The following MYRIP variants were observed in gnomAD, a reference collection of about 807,000 sequenced individuals.
MYRIP encodes the protein myosin VIIA and Rab interacting protein, also known as rab effector MyRIP.
A neutral mutation model predicts 98.0 loss-of-function variants in MYRIP; 49 were observed. The ratio of observed to expected loss-of-function variants is 0.50; its 90% CI spans 0.40 to 0.63. MYRIP has a LOEUF of 0.63. MYRIP is among the 30% of genes least tolerant of loss of function. The pLI, the probability that MYRIP is intolerant of heterozygous loss-of-function variation, is 0.00. For missense variants in MYRIP, 1,004 were observed against 1,058.2 expected (o/e 0.95, Z 0.71); for synonymous variants, 404 against 409.5 (o/e 0.99, Z 0.16).
intron 1 of MYRIP, among the ~76,000 whole-genome samples, chr3:39,836,662 T>C (rs1941635648): frequency 1.3e-5 from 2 of 152,216 alleles, no homozygotes; most frequent in South Asian, 4.1e-4. Context: ...CCAGTCCAGC[T>C]GAGGGTCTGA....
intron 2 of MYRIP, among the ~76,000 whole-genome samples, chr3:39,904,399 C>A (rs1231486495): frequency 3.3e-5 from 5 of 152,034 alleles, no homozygotes; most frequent in Admixed American, 3.3e-4. Flanking sequence ...TCACACCTGG[C>A]CAATTTTTTG....
chr3:40,235,688 T>C (rs966169879), intron 12 of MYRIP, among the ~76,000 whole-genome samples: 1 of 152,230 alleles, frequency 6.6e-6, no homozygotes, highest in Non-Finnish European at 1.5e-5. Context: ...CTTGCTGCTT[T>C]TTCTGAGGAC....
chr3:40,160,970 G>A (rs533190069), intron 4 of MYRIP, among the ~76,000 whole-genome samples: 80 of 152,272 alleles, frequency 5.3e-4, no homozygotes, highest in African/African-American at 1.6e-3. Context: ...CTTCTGCGTC[G>A]CTCACGCTGG....
At chr3:39,811,234 T>A (rs1377902451) in intron 1 of MYRIP, among the ~76,000 whole-genome samples, 3 of 152,284 alleles carry the variant, frequency 2.0e-5, no homozygotes, top group South Asian at 4.1e-4. Context: ...AATACTTAGT[T>A]TTGTGATGAC....
At chr3:39,904,789 T>C (rs949966330) in intron 2 of MYRIP, among the ~76,000 whole-genome samples, 2 of 152,164 alleles carry the variant, frequency 1.3e-5, no homozygotes, top group African/African-American at 4.8e-5. Context: ...GGCCTCACTA[T>C]GTAAAGTGAT....
chr3:40,192,327 T>TTATATATATATATA (rs1559444956), intron 10 of MYRIP, among the ~76,000 whole-genome samples: 1 of 11,332 alleles, frequency 8.8e-5, no homozygotes, highest in East Asian at 1.6e-3. Flanking sequence ...TATATATATG[T>TTATATATATATATA]CATATATATA....
chr3:40,022,393 T>A (rs568057264), intron 2 of MYRIP, among the ~76,000 whole-genome samples: 2 of 152,144 alleles, frequency 1.3e-5, no homozygotes, highest in Non-Finnish European at 2.9e-5. Context: ...AATGTGAGTC[T>A]TCAAGGAAAA....
At chr3:40,235,129 A>G (rs1412072607) in intron 12 of MYRIP, among the ~76,000 whole-genome samples, 4 of 152,136 alleles carry the variant, frequency 2.6e-5, no homozygotes, top group Non-Finnish European at 5.9e-5. Context: ...CCACTCCAAA[A>G]TTGTCCAAGC....
chr3:40,038,674 A>G (rs986142853), intron 2 of MYRIP, among the ~76,000 whole-genome samples: 1 of 152,148 alleles, frequency 6.6e-6, no homozygotes, highest in Non-Finnish European at 1.5e-5. Context: ...CATAATTAAA[A>G]TAGTATAAAT....
intron 2 of MYRIP, among the ~76,000 whole-genome samples, chr3:39,999,093 A>C (rs1255393385): frequency 6.6e-6 from 1 of 152,228 alleles, no homozygotes; most frequent in Non-Finnish European, 1.5e-5. Context: ...AAACCTAGGC[A>C]ATACCATTCA....
At chr3:40,222,383 T>C (rs1341443926) in intron 11 of MYRIP, among the ~76,000 whole-genome samples, 3 of 152,160 alleles carry the variant, frequency 2.0e-5, no homozygotes, top group Non-Finnish European at 4.4e-5. Flanking sequence ...GGGTGTCTTA[T>C]GGAAAGCTGC....
chr3:39,920,443 C>G (rs1944279975), intron 2 of MYRIP, among the ~76,000 whole-genome samples: 2 of 152,110 alleles, frequency 1.3e-5, no homozygotes, highest in Non-Finnish European at 2.9e-5. Flanking sequence ...CACTCACGTA[C>G]TGACTTGTGG....
chr3:39,947,995 A>C (rs1485455404), intron 2 of MYRIP, among the ~76,000 whole-genome samples: 1 of 152,192 alleles, frequency 6.6e-6, no homozygotes, highest in Non-Finnish European at 1.5e-5. Flanking sequence ...AGACTTTTGA[A>C]GACTATCAAG....
intron 3 of MYRIP, among the ~76,000 whole-genome samples, chr3:40,128,605 C>T (rs867662424): frequency 2.6e-5 from 4 of 152,286 alleles, no homozygotes; most frequent in Admixed American, 1.3e-4. Context: ...TCCAGGTTGG[C>T]GACACCTGGA....
chr3:39,976,306 A>T (rs1945749346), intron 2 of MYRIP, among the ~76,000 whole-genome samples: 1 of 152,256 alleles, frequency 6.6e-6, no homozygotes, highest in African/African-American at 2.4e-5. Flanking sequence ...GCTCATCATC[A>T]CTGGCCATCA....
At chr3:40,087,074 A>G (rs977083787) in intron 3 of MYRIP, among the ~76,000 whole-genome samples, 1 of 152,074 alleles carries the variant, frequency 6.6e-6, no homozygotes, top group African/African-American at 2.4e-5. Context: ...TTACCACAGC[A>G]ACTGTTGCTG....
At chr3:40,042,793 A>G (rs937963452) in intron 2 of MYRIP, among the ~76,000 whole-genome samples, 4 of 152,220 alleles carry the variant, frequency 2.6e-5, no homozygotes, top group Admixed American at 2.6e-4. Context: ...TAGTAAACCC[A>G]TCATAAGTTG....
rs763591380 is a variant in MYRIP at position 40,189,948 on chromosome 3, T to G, written c.1150T>G (p.Ser384Ala). ...SGTFQALEVA[S>A]SVASAYDEMG... ...GACGTTTCAGGCCCTGGAGGTGGCCTCCAGTGTGGCATCTGCCTACGATGA... is the reference window on the plus strand; with the variant it reads ...GACGTTTCAGGCCCTGGAGGTGGCCGCCAGTGTGGCATCTGCCTACGATGA... The change falls in exon 10 of 17, where the codon TCC becomes GCC. Residue 384 changes from serine (S) to alanine (A), a missense_variant. Around this residue, in one of 3 missense-constraint regions of MYRIP, gnomAD observed 880 missense variants for 907.7 expected, o/e 0.97. Coordinates refer to ENST00000302541, the MANE Select transcript of MYRIP (RefSeq NM_015460.4). The G allele has an allele frequency of 2.5e-6, 4 of 1,614,016 alleles. No individual in the cohort carries two copies. The South Asian group carries it at 4.4e-5, about 18-fold the overall frequency.
intron 2 of MYRIP, among the ~76,000 whole-genome samples, chr3:39,998,131 G>A: frequency 6.6e-6 from 1 of 152,138 alleles, no homozygotes; most frequent in Non-Finnish European, 1.5e-5. Context: ...CACAAGACAG[G>A]GATGCCCTCT....
Sources: allele counts gnomAD v4.1 joint callset (sites outside exome capture counted in the v4.1 genomes callset), GRCh38; gene constraint gnomAD v4.1.1; regional missense constraint gnomAD v4.1.1; transcripts MANE v1.5; gene names NCBI Gene and HGNC (gene_info 2026-07-23, HGNC 2026-07-21).